NCR2: variants seen among roughly 807,000 people sequenced by gnomAD.
The protein encoded by NCR2 is natural cytotoxicity triggering receptor 2, also known as NK cell activating receptor (NKp44).
A neutral mutation model predicts 30.7 loss-of-function variants in NCR2; 35 were observed. The observed-to-expected ratio is 1.14, with a 90% confidence interval of 0.87 to 1.51. The LOEUF is 1.51. Among genes scored for constraint, NCR2 ranks in the 40% most tolerant of loss-of-function variants. NCR2 has a pLI of 0.00. For synonymous variants in NCR2, 146 were observed against 134.8 expected (o/e 1.08, Z -0.58); for missense variants, 316 against 328.9 (o/e 0.96, Z 0.30).
intron 1 of NCR2, 76 bp from the exon 2 acceptor site, chr6:41,336,011 C>T (rs1769012549): frequency 6.3e-7 from 1 of 1,586,974 alleles, no homozygotes; most frequent in Non-Finnish European, 8.6e-7. Context: ...GAGCAGGTGG[C>T]TCTGTGGCCA....
At chr6:41,344,975 C>G (rs1769267138) in intron 4 of NCR2, among the ~76,000 whole-genome samples, 1 of 152,126 alleles carries the variant, frequency 6.6e-6, no homozygotes, top group Non-Finnish European at 1.5e-5. Flanking sequence ...TAGGCACCAA[C>G]TGGAACAGAG....
rs927492595 is a variant in NCR2, at chr6:41,342,165, G to A, written c.644+16G>A. ...TCGTCTGGTGGTGAGTGTGGTGTGGGTTGAACTCGGGGAAAATGGAACAGG... is the reference window on the plus strand; with the variant it reads ...TCGTCTGGTGGTGAGTGTGGTGTGGATTGAACTCGGGGAAAATGGAACAGG... On this transcript the variant is annotated intron_variant, in intron 4 of 4. Transcript: ENST00000373089. The A allele has an allele frequency of 6.2e-7, 1 of 1,610,928 alleles. No individual in the cohort carries two copies. The highest frequency in any genetic ancestry group is 1.3e-5 in the African/African-American group (1 of 74,898).
chr6:41,343,034 C>A (rs1446865487), intron 4 of NCR2: 2 of 1,547,494 alleles, frequency 1.3e-6, no homozygotes, highest in South Asian at 2.4e-5. Flanking sequence ...GGTGGGCGGC[C>A]AGTCTCCAAC....
intron 4 of NCR2, among the ~76,000 whole-genome samples, chr6:41,342,702 T>A (rs1769205754): frequency 6.6e-6 from 1 of 152,124 alleles, no homozygotes; most frequent in African/African-American, 2.4e-5. Context: ...TGCCTCATTC[T>A]AGTCCTGAGG....
At chr6:41,343,871 G>T (rs956923747) in intron 4 of NCR2, among the ~76,000 whole-genome samples, 1 of 152,010 alleles carries the variant, frequency 6.6e-6, no homozygotes, top group East Asian at 1.9e-4. Flanking sequence ...TGGGCTGTTG[G>T]GCCTAGTGCA....
chr6:41,340,626 G>A (rs571244500), intron 2 of NCR2, among the ~76,000 whole-genome samples: 13 of 152,260 alleles, frequency 8.5e-5, no homozygotes, highest in South Asian at 2.1e-4. Context: ...CACGGGCTTG[G>A]ATCTTGAGGC....
chr6:41,339,468 C>T (rs1370005109), intron 2 of NCR2, among the ~76,000 whole-genome samples: 1 of 150,098 alleles, frequency 6.7e-6, no homozygotes, highest in Non-Finnish European at 1.5e-5. Flanking sequence ...TCACTGCAAG[C>T]TCCGCCTCCT....
intron 4 of NCR2, chr6:41,343,008 G>A (rs1272253315): frequency 1.3e-6 from 2 of 1,550,548 alleles, no homozygotes; most frequent in Non-Finnish European, 1.7e-6. Context: ...ACTTCCCACT[G>A]AGCCACAGGG....
At chr6:41,340,181 A>T (rs1769134755) in intron 2 of NCR2, among the ~76,000 whole-genome samples, 1 of 81,160 alleles carries the variant, frequency 1.2e-5, no homozygotes, top group African/African-American at 1.0e-4. Context: ...ATTTATTGTG[A>T]GACAGAGTCT....
intron 4 of NCR2, among the ~76,000 whole-genome samples, chr6:41,344,371 C>T (rs1478503399): frequency 6.6e-6 from 1 of 152,210 alleles, no homozygotes; most frequent in African/African-American, 2.4e-5. Flanking sequence ...TCACTCCGTG[C>T]CTTGCCCCAG....
intron 4 of NCR2, among the ~76,000 whole-genome samples, chr6:41,343,211 G>A (rs187811032): frequency 3.5e-4 from 53 of 152,378 alleles, no homozygotes; most frequent in South Asian, 2.5e-3. Flanking sequence ...CCAGCACCCC[G>A]TTGTGGGAGC....
Position 41,336,371 on chromosome 6 carries a change from C to G in NCR2, c.337C>G (p.Arg113Gly), listed in dbSNP as rs556638437. 12 of 1,613,944 alleles carry G rather than the reference C, an allele frequency of 7.4e-6. No homozygotes were observed. In the African/African-American group the frequency reaches 1.5e-4, roughly 20 times the overall value. ...AGGACATTACTGGTGTAGAATCTAC[C>G]GCCCTTCTGACAACTCTGTCTCTAA... ...DSGHYWCRIY[R>G]PSDNSVSKSV... is the part of the protein sequence containing the mutation. Residue 113 changes from arginine (R) to glycine (G), a missense_variant, in exon 2 of 5, where the codon CGC (arginine) becomes GGC (glycine). Arg to Gly is a moderately radical substitution (Grantham distance 125, BLOSUM62 -2). Transcript: ENST00000373089.
At chr6:41,342,003 G>A (rs765453027) in intron 3 of NCR2, 33 bp from the exon 4 acceptor site, 23 of 1,613,338 alleles carry the variant, frequency 1.4e-5, no homozygotes, top group East Asian at 6.7e-5. Flanking sequence ...TCCCCAGCCC[G>A]TCCTCTCCCC....
chr6:41,341,192 T>C (rs1769159608), intron 2 of NCR2, among the ~76,000 whole-genome samples: 2 of 152,070 alleles, frequency 1.3e-5, no homozygotes, highest in Non-Finnish European at 2.9e-5. Flanking sequence ...GAGACAGCCA[T>C]TCCCCACCTC....
intron 2 of NCR2, 44 bp downstream of exon 2, chr6:41,336,472 C>T: frequency 6.6e-7 from 1 of 1,504,974 alleles, no homozygotes; most frequent in African/African-American, 1.4e-5. Flanking sequence ...CCCCTCACCC[C>T]CTTTTGGTGC....
intron 4 of NCR2, among the ~76,000 whole-genome samples, chr6:41,343,368 A>C (rs1369272091): frequency 1.3e-5 from 2 of 152,214 alleles, no homozygotes; most frequent in African/African-American, 4.8e-5. Context: ...TAATACCACC[A>C]CTGTGGGAGG....
At chr6:41,340,620 G>C (rs1172455071) in intron 2 of NCR2, among the ~76,000 whole-genome samples, 1 of 152,122 alleles carries the variant, frequency 6.6e-6, no homozygotes, top group East Asian at 1.9e-4. Context: ...ACTAATCACG[G>C]GCTTGGATCT....
In NCR2 at chr6:41,335,626, C is replaced by T. The variant is rs1768999030; in HGVS notation, c.-251C>T. 3.7e-6 allele frequency: 2 copies of T among 541,216 alleles called. No homozygotes were observed. Among genetic ancestry groups the T allele is most frequent in the African/African-American group, 3.8e-5 (2 of 52,620 alleles). The allele number at this position is 541,216 out of a possible 1,614,324, so 33.5% of individuals were successfully genotyped here. A position where few individuals can be genotyped will look rare whatever the true frequency, so the allele number is the denominator to read the frequency against. On this transcript the variant is annotated 5_prime_UTR_variant, in exon 1 of 5. Coordinates refer to ENST00000373089, the MANE Select transcript of NCR2 (RefSeq NM_004828.4). The stretch of plus-strand genomic sequence containing the variant: ...GGAGAGCAGGCATCTTCTACAGAGG[C>T]CTGGGAAGCTGTGTGCCAGACAGCG...
intron 3 of NCR2, 25 bp from the exon 4 acceptor site, chr6:41,342,011 C>T (rs1397272512): frequency 6.2e-7 from 1 of 1,613,834 alleles, no homozygotes; most frequent in East Asian, 2.2e-5. Flanking sequence ...CCGTCCTCTC[C>T]CCTTCCTGTC....
Sources: gnomAD v4.1 joint callset for allele counts (sites outside exome capture counted in the v4.1 genomes callset) on GRCh38, gnomAD v4.1.1 for gene constraint, MANE v1.5 for transcripts, NCBI Gene and HGNC (gene_info 2026-07-23, HGNC 2026-07-21) for gene names.